MAPK12: variants seen among roughly 807,000 people sequenced by gnomAD.
The protein encoded by MAPK12 is mitogen-activated protein kinase 12.
Under a neutral mutation model 49.1 loss-of-function variants are expected in MAPK12, and 49 were observed. The observed-to-expected ratio is 1.00, with a 90% CI of 0.79 to 1.27. The LOEUF (loss-of-function observed/expected upper bound fraction) is 1.27. MAPK12 is among the 50% of genes most tolerant of loss of function. The pLI is 0.00. For synonymous variants in MAPK12, 251 were observed against 209.7 expected (o/e 1.20, Z -1.70); for missense variants, 554 against 502.4 (o/e 1.10, Z -0.98).
In MAPK12 at chr22:50,255,196, C is replaced by T. The variant is rs746112105; in HGVS notation, c.1024+1G>A. The T allele has an allele frequency of 1.9e-5, 30 of 1,613,616 alleles. No homozygotes were observed. The highest frequency in any genetic ancestry group is 8.3e-5 in the Admixed American group (5 of 59,996). Reference sequence around the variant, plus strand: ...GGCCGTGCCAGGAGCCCCCCACTCACGCTTCCATTCATCCAGTGTGCGGTC... The same window carrying T: ...GGCCGTGCCAGGAGCCCCCCACTCATGCTTCCATTCATCCAGTGTGCGGTC... On this transcript the variant is annotated splice_donor_variant, in intron 11 of 11. Coordinates refer to ENST00000215659, the MANE Select transcript of MAPK12 (RefSeq NM_002969.6). LOFTEE classifies it high-confidence loss of function.
rs535766768 is a variant in MAPK12 at position 50,261,193 on chromosome 22, G to A, written c.229C>T (p.Leu77=). The A allele has an allele frequency of 8.7e-5, 138 of 1,592,948 alleles. 1 individual carries two copies. In the East Asian group the frequency reaches 3.0e-3, roughly 35 times the overall value. The change falls in exon 2 of 12, where the codon CTG becomes TTG. Residue 77 remains leucine, a synonymous_variant. Coordinates refer to ENST00000215659, the MANE Select transcript of MAPK12 (RefSeq NM_002969.6). ...TTCTCGTGGCGCATGTGCTTGAGCA[G>A]GCGCAGCTCGCGGTAGGCGCGCTTG... ...FAKRAYRELR[L]LKHMRHENVI...
At chr22:50,261,137 G>A in intron 2 of MAPK12, 30 bp downstream of exon 2, 2 of 1,550,786 alleles carry the variant, frequency 1.3e-6, no homozygotes, top group Non-Finnish European at 8.7e-7. Flanking sequence ...AGGCCGCGGC[G>A]CCTTCCCGGA....
intron 2 of MAPK12, among the ~76,000 whole-genome samples, chr22:50,259,276 A>G (rs764403037): frequency 1.3e-5 from 2 of 152,074 alleles, no homozygotes; most frequent in Non-Finnish European, 2.9e-5. Flanking sequence ...GACTGTGGAC[A>G]TGAGAGCTGG....
At chr22:50,259,421 G>A (rs938816324) in intron 2 of MAPK12, among the ~76,000 whole-genome samples, 4 of 152,132 alleles carry the variant, frequency 2.6e-5, no homozygotes, top group Admixed American at 6.5e-5. Context: ...ACTGAGGCCT[G>A]TGGCAGAGCC....
Position 50,261,674 on chromosome 22 carries a change from G to A in MAPK12, c.-165C>T. On this transcript the variant is annotated 5_prime_UTR_variant, in exon 1 of 12. Transcript: ENST00000215659. ...GCTCCCGCTCCCGGCCCTTCCCTCA[G>A]GGATGTCCCAGGTGCCGACCCCGGC... The A allele has an allele frequency of 1.3e-6, 1 of 793,194 alleles. No individual in the cohort carries two copies. The highest frequency in any genetic ancestry group is 1.5e-6 in the Non-Finnish European group (1 of 654,052). 49.1% of individuals were successfully genotyped at this position (793,194 alleles called of 1,614,324 possible). A position where few individuals can be genotyped will look rare whatever the true frequency, so the allele number is the denominator to read the frequency against.
At position 50,257,284 on chromosome 22, in the gene MAPK12, G is replaced by C. The variant is rs547755179; in HGVS notation, c.315-91C>G. 1.5e-5 allele frequency: 14 copies of C among 941,732 alleles called. No homozygotes were observed. The Admixed American group carries it at 2.5e-4, about 17-fold the overall frequency. The allele number at this position is 941,732 out of a possible 1,614,324, so 58.3% of individuals were successfully genotyped here. A position where few individuals can be genotyped will look rare whatever the true frequency, so the allele number is the denominator to read the frequency against. On this transcript the variant is annotated intron_variant, in intron 3 of 11. Coordinates refer to ENST00000215659, the MANE Select transcript of MAPK12 (RefSeq NM_002969.6). ...GCAGGCCCAGGCTCAGACCCGTCCC[G>C]GATCCAACAGGCACCCCCAGGAAGG...
intron 2 of MAPK12, 106 bp downstream of exon 2, chr22:50,261,061 C>G: frequency 6.8e-6 from 9 of 1,315,676 alleles, no homozygotes; most frequent in Non-Finnish European, 8.9e-6. Flanking sequence ...CCCGCCCGGC[C>G]CCACAGCAGG....
Position 50,253,485 on chromosome 22 carries a change from CGGGGGTG to C in MAPK12, c.1025-12_1025-6del. 5 of 94,186 alleles carry C rather than the reference CGGGGGTG, an allele frequency of 5.3e-5. No individual in the cohort carries two copies. The highest frequency in any genetic ancestry group is 4.8e-4 in the African/African-American group (1 of 2,082). The allele number at this position is 94,186 out of a possible 1,614,324, so 5.8% of individuals were successfully genotyped here. A position where few individuals can be genotyped will look rare whatever the true frequency, so the allele number is the denominator to read the frequency against. On this transcript the variant is annotated splice_region_variant and splice_polypyrimidine_tract_variant and intron_variant, in intron 11 of 11. Coordinates refer to ENST00000215659, the MANE Select transcript of MAPK12 (RefSeq NM_002969.6). ...GCACCTCTTTGTAAGTAACACCTGG[CGGGGGTG>C]GGGGGGCGGGCACAACAGAGAGGGG...
intron 11 of MAPK12, chr22:50,254,926 C>T: frequency 7.4e-7 from 1 of 1,349,220 alleles, no homozygotes; most frequent in Non-Finnish European, 9.6e-7. Flanking sequence ...CAGCTCCAGC[C>T]AGAGGTCATC....
intron 11 of MAPK12, chr22:50,253,896 G>A (rs191164542): frequency 1.4e-3 from 279 of 202,372 alleles, no homozygotes; most frequent in Non-Finnish European, 2.3e-3. Flanking sequence ...CCAGGGACCC[G>A]TGGTCGTAAG....
At chr22:50,260,195 T>G (rs554743493) in intron 2 of MAPK12, among the ~76,000 whole-genome samples, 9 of 151,638 alleles carry the variant, frequency 5.9e-5, no homozygotes, top group African/African-American at 1.9e-4. Flanking sequence ...TCCAAGGGGC[T>G]GAGGGAGTAG....
chr22:50,260,597 G>A (rs2147263096), intron 2 of MAPK12, among the ~76,000 whole-genome samples: 1 of 152,270 alleles, frequency 6.6e-6, no homozygotes, highest in East Asian at 1.9e-4. Flanking sequence ...CGGCCACCAC[G>A]CCCAGTGCTC....
In MAPK12 at chr22:50,255,607, C is replaced by T. The variant is rs1319271788; in HGVS notation, c.771+8G>A. 1 of 1,611,474 alleles carries T rather than the reference C, an allele frequency of 6.2e-7. No individual in the cohort carries two copies. The highest frequency in any genetic ancestry group is 1.7e-5 in the Admixed American group (1 of 59,954). On this transcript the variant is annotated splice_region_variant and intron_variant, in intron 9 of 11. Transcript: ENST00000215659. ...CCACCCCCACCCAGCTCCCCACTCACCCCTTACCTCATCGCTCTGCAGCCG... is the reference window on the plus strand; with the variant it reads ...CCACCCCCACCCAGCTCCCCACTCATCCCTTACCTCATCGCTCTGCAGCCG...
chr22:50,257,737 C>T (rs2147259304), intron 3 of MAPK12: 7 of 645,542 alleles, frequency 1.1e-5, no homozygotes, highest in South Asian at 8.9e-5. Context: ...CTCTGCAAGT[C>T]AGGCGGGAGG....
chr22:50,257,990 G>A (rs528377043), intron 3 of MAPK12: 1 of 750,016 alleles, frequency 1.3e-6, no homozygotes, highest in Non-Finnish European at 2.5e-6. Context: ...TCCGGTGCTG[G>A]AGAGGGCCCA....
At position 50,253,068 on chromosome 22, in the gene MAPK12, G is replaced by A. The variant is rs550861394; in HGVS notation, c.*333C>T. Reference sequence around the variant, plus strand: ...CTCTGTCCTTCCTCTGCATGGCCCAGAGCAGGCAGGGCTCAGAGGCCAAGG... The same window carrying A: ...CTCTGTCCTTCCTCTGCATGGCCCAAAGCAGGCAGGGCTCAGAGGCCAAGG... On this transcript the variant is annotated 3_prime_UTR_variant, in exon 12 of 12. Transcript: ENST00000215659. 3.5e-4 allele frequency: 142 copies of A among 404,032 alleles called. 3 individuals are homozygous for A. The highest frequency in any genetic ancestry group is 3.0e-3 in the South Asian group (138 of 46,656). The allele number at this position is 404,032 out of a possible 1,614,324, so 25.0% of individuals were successfully genotyped here.
Position 50,253,726 on chromosome 22 carries a change from C to T in MAPK12, c.1025-246G>A, listed in dbSNP as rs934434890. On this transcript the variant is annotated intron_variant, in intron 11 of 11. Coordinates refer to ENST00000215659, the MANE Select transcript of MAPK12 (RefSeq NM_002969.6). ...CCACGGTCTGTCCTAAGAGCTGAGG[C>T]CTCAGCCACAGTTGTGTGGGTGGGG... The T allele has an allele frequency of 1.4e-5, 8 of 565,440 alleles. No homozygotes were observed. In the Admixed American group the frequency reaches 2.2e-4, roughly 15 times the overall value. 35.0% of individuals were successfully genotyped at this position (565,440 alleles called of 1,614,324 possible).
chr22:50,257,839 G>A (rs2065165838), intron 3 of MAPK12: 2 of 726,882 alleles, frequency 2.8e-6, no homozygotes. Flanking sequence ...GCAGGGCAGG[G>A]GCAGGGTGGG....
chr22:50,257,713 G>A (rs922890878), intron 3 of MAPK12: 12 of 618,778 alleles, frequency 1.9e-5, no homozygotes, highest in East Asian at 5.5e-5. Flanking sequence ...CTTCCCAGAG[G>A]CCACTGACTT....
Sources: allele counts gnomAD v4.1 joint callset (sites outside exome capture counted in the v4.1 genomes callset), GRCh38; gene constraint gnomAD v4.1.1; transcripts MANE v1.5; gene names NCBI Gene and HGNC (gene_info 2026-07-23, HGNC 2026-07-21).